The following GALNS variants were observed in gnomAD, a reference collection of about 807,000 sequenced individuals.
GALNS encodes N-acetylgalactosamine-6-sulfatase.
Under a neutral mutation model 65.9 loss-of-function variants are expected in GALNS, and 65 were observed. The observed-to-expected ratio is 0.99, with a 90% CI of 0.81 to 1.21. GALNS has a LOEUF of 1.21. GALNS is among the 50% of genes most tolerant of loss of function. The pLI, the probability that GALNS is intolerant of heterozygous loss-of-function variation, is 0.00. For missense variants in GALNS, 776 were observed against 700.7 expected (o/e 1.11, Z -1.21); for synonymous variants, 346 against 288.9 (o/e 1.20, Z -2.00).
intron 10 of GALNS, among the ~76,000 whole-genome samples, chr16:88,825,632 G>C (rs1475965128): frequency 6.6e-6 from 1 of 151,282 alleles, no homozygotes; most frequent in African/African-American, 2.4e-5. Flanking sequence ...GGGCTAGGGT[G>C]CCTGGGCGTC....
chr16:88,825,687 G>C (rs1364368087), intron 10 of GALNS, among the ~76,000 whole-genome samples: 1 of 151,326 alleles, frequency 6.6e-6, no homozygotes, highest in Non-Finnish European at 1.5e-5. Flanking sequence ...ACCCTGGGGA[G>C]GGTGGGCAGA....
chr16:88,837,841 A>AC (rs1264041146), intron 4 of GALNS, 76 bp from the exon 5 acceptor site: 35 of 1,498,010 alleles, frequency 2.3e-5, no homozygotes, highest in Non-Finnish European at 2.8e-5. Flanking sequence ...AACAGATACC[A>AC]CCTTCACAAA....
At chr16:88,822,230 C>T (rs1352165498) in intron 12 of GALNS, among the ~76,000 whole-genome samples, 1 of 152,302 alleles carries the variant, frequency 6.6e-6, no homozygotes, top group Admixed American at 6.5e-5. Context: ...TGGCTTTCTG[C>T]CATTCCTCCT....
chr16:88,850,995 C>T (rs1361455559), intron 1 of GALNS, among the ~76,000 whole-genome samples: 2 of 152,236 alleles, frequency 1.3e-5, no homozygotes, highest in African/African-American at 4.8e-5. Context: ...GCCTTCTGAC[C>T]AGCCGAGGGC....
intron 3 of GALNS, among the ~76,000 whole-genome samples, chr16:88,841,619 G>A (rs965708090): frequency 3.3e-5 from 5 of 152,222 alleles, no homozygotes; most frequent in Non-Finnish European, 7.3e-5. Context: ...GTGGGTGTGC[G>A]GCTCACCCGC....
intron 1 of GALNS, among the ~76,000 whole-genome samples, chr16:88,846,265 G>A (rs1181061008): frequency 6.6e-6 from 1 of 152,124 alleles, no homozygotes; most frequent in Non-Finnish European, 1.5e-5. Flanking sequence ...GTAAGATGAG[G>A]TCACTAACAT....
intron 1 of GALNS, among the ~76,000 whole-genome samples, chr16:88,847,861 T>C (rs1335188444): frequency 2.6e-5 from 4 of 152,076 alleles, no homozygotes; most frequent in African/African-American, 9.7e-5. Flanking sequence ...CCAACAGAAC[T>C]GAAAAGTGTG....
At chr16:88,853,724 C>T (rs528752758) in intron 1 of GALNS, among the ~76,000 whole-genome samples, 24 of 152,320 alleles carry the variant, frequency 1.6e-4, no homozygotes, top group Middle Eastern at 3.4e-3. Context: ...TCCTCACTCA[C>T]GCAGCAGGTG....
intron 1 of GALNS, chr16:88,855,210 G>C: frequency 1.4e-6 from 1 of 693,972 alleles, no homozygotes; most frequent in Admixed American, 2.0e-5. Context: ...AATTATTCAT[G>C]AGCTGCCCCG....
In GALNS at chr16:88,826,859, A is replaced by G. The variant is rs544563841; in HGVS notation, c.1003-21T>C. The G allele has an allele frequency of 2.6e-5, 40 of 1,561,574 alleles. No homozygotes were observed. The South Asian group carries it at 4.3e-4, about 17-fold the overall frequency. Reference sequence around the variant, plus strand: ...CTCACCTGAAACACATGGCAGCAACACGGTCAGGGCACTCTGCACCGACCC... The same window carrying G: ...CTCACCTGAAACACATGGCAGCAACGCGGTCAGGGCACTCTGCACCGACCC... On this transcript the variant is annotated intron_variant, in intron 9 of 13. Coordinates refer to ENST00000268695, the MANE Select transcript of GALNS (RefSeq NM_000512.5).
At chr16:88,831,262 G>A (rs1470764676) in intron 9 of GALNS, among the ~76,000 whole-genome samples, 1 of 142,476 alleles carries the variant, frequency 7.0e-6, no homozygotes, top group African/African-American at 2.7e-5. Flanking sequence ...GTGAGGCCGA[G>A]CACGGGGTGC....
chr16:88,847,768 C>T (rs1314150384), intron 1 of GALNS, among the ~76,000 whole-genome samples: 1 of 152,240 alleles, frequency 6.6e-6, no homozygotes, highest in Non-Finnish European at 1.5e-5. Flanking sequence ...CATGTAAGAA[C>T]GTGACACGCA....
At chr16:88,843,017 C>T (rs1031567969) in intron 1 of GALNS, 188 bp from the exon 2 acceptor site, 8 of 1,525,258 alleles carry the variant, frequency 5.2e-6, no homozygotes, top group East Asian at 2.5e-5. Context: ...GGCCGCTCCA[C>T]GCCAGCCCAA....
intron 13 of GALNS, chr16:88,816,577 G>A (rs1396286332): frequency 1.0e-5 from 10 of 977,300 alleles, no homozygotes; most frequent in Non-Finnish European, 9.7e-6. Context: ...AAATAACCCT[G>A]CAGGGTGGAC....
intron 1 of GALNS, chr16:88,843,520 C>G: frequency 3.4e-6 from 1 of 297,788 alleles, no homozygotes; most frequent in East Asian, 8.2e-5. Flanking sequence ...ATGTAGTGAG[C>G]TAAGATGAGG....
At chr16:88,836,805 G>A (rs1912188971) in intron 5 of GALNS, among the ~76,000 whole-genome samples, 1 of 152,226 alleles carries the variant, frequency 6.6e-6, no homozygotes, top group Admixed American at 6.5e-5. Flanking sequence ...GGGAAGATGG[G>A]GGAATGGGGC....
chr16:88,817,953 G>T, intron 13 of GALNS, 54 bp downstream of exon 13: 1 of 1,417,688 alleles, frequency 7.1e-7, no homozygotes, highest in Non-Finnish European at 9.7e-7. Context: ...TGGGCCCCGG[G>T]TGGGTGGCTG....
intron 8 of GALNS, 113 bp from the exon 9 acceptor site, chr16:88,832,214 G>A: frequency 1.0e-6 from 1 of 966,840 alleles, no homozygotes; most frequent in East Asian, 2.6e-5. Flanking sequence ...CCCGGCCAAG[G>A]CACTCTGGCT....
At chr16:88,821,560 C>T (rs1163945612) in intron 12 of GALNS, among the ~76,000 whole-genome samples, 1 of 152,200 alleles carries the variant, frequency 6.6e-6, no homozygotes, top group Non-Finnish European at 1.5e-5. Flanking sequence ...CGAGGAAGTG[C>T]CCAAGGGATC....
Sources: allele counts gnomAD v4.1 joint callset (sites outside exome capture counted in the v4.1 genomes callset), GRCh38; gene constraint gnomAD v4.1.1; transcripts MANE v1.5; gene names NCBI Gene and HGNC (gene_info 2026-07-23, HGNC 2026-07-21).